Variants in ZNF676 observed in about 807,000 individuals in gnomAD.
ZNF676 encodes the protein zinc finger protein 676.
Under a neutral mutation model 6.0 loss-of-function variants are expected in ZNF676, and 4 were observed. That is an observed-to-expected ratio of 0.67 (90% CI 0.33 to 1.53). The LOEUF is 1.53. Ranked by LOEUF, ZNF676 falls within the 40% of genes most tolerant of loss-of-function variation. The pLI, the probability that ZNF676 is intolerant of heterozygous loss-of-function variation, is 0.06. For missense variants in ZNF676, 644 were observed against 679.7 expected (o/e 0.95, Z 0.58); for synonymous variants, 198 against 223.1 (o/e 0.89, Z 1.00).
intron 1 of ZNF676, among the ~76,000 whole-genome samples, chr19:22,204,173 G>C (rs999590264): frequency 1.3e-5 from 2 of 152,046 alleles, no homozygotes; most frequent in Non-Finnish European, 2.9e-5. Flanking sequence ...CTAAAATTAT[G>C]CCTACCTATA....
chr19:22,213,687 G>A (rs1447362761), intron 1 of ZNF676, among the ~76,000 whole-genome samples: 1 of 152,026 alleles, frequency 6.6e-6, no homozygotes, highest in African/African-American at 2.4e-5. Flanking sequence ...GAGATGAGAG[G>A]CTACACTCCA....
Position 22,196,926 on chromosome 19 carries a change from A to T in ZNF676, c.-293T>A. On this transcript the variant is annotated 5_prime_UTR_variant, in exon 1 of 3. Transcript: ENST00000397121. ...CTCTGAGAAAAGAAAGTGGTATAAG[A>T]TCCATAACATCTGTGTATATGTAAT... The T allele has an allele frequency of 1.8e-6, 1 of 566,082 alleles. No individual in the cohort carries two copies. Among genetic ancestry groups the T allele is most frequent in the Non-Finnish European group, 3.1e-6 (1 of 324,482 alleles). The allele number at this position is 566,082 out of a possible 1,614,324, so 35.1% of individuals were successfully genotyped here. A position where few individuals can be genotyped will look rare whatever the true frequency, so the allele number is the denominator to read the frequency against.
At chr19:22,192,155 G>A (rs200310981) in intron 2 of ZNF676, among the ~76,000 whole-genome samples, 1 of 52,460 alleles carries the variant, frequency 1.9e-5, no homozygotes, top group Non-Finnish European at 3.5e-5. Context: ...TAACATACAA[G>A]TATAAGTTAT....
the ZNF676 span, among the ~76,000 whole-genome samples, chr19:22,240,118 T>A: frequency 2.0e-5 from 3 of 152,024 alleles, no homozygotes; most frequent in Non-Finnish European, 4.4e-5. Context: ...TATGTCACAA[T>A]CCCCACGGTA....
At chr19:22,243,715 TC>T in the ZNF676 span, 1 of 152,214 alleles carries the variant, frequency 6.6e-6, no homozygotes, top group Admixed American at 6.5e-5. Context: ...GATTACAGAG[TC>T]CCCACTCTCT....
At chr19:22,213,970 G>GA (rs1193318476) in intron 1 of ZNF676, among the ~76,000 whole-genome samples, 2 of 152,122 alleles carry the variant, frequency 1.3e-5, no homozygotes, top group Admixed American at 6.5e-5. Context: ...GAAACTAGAA[G>GA]AAAAAAACAT....
the ZNF676 span, among the ~76,000 whole-genome samples, chr19:22,225,028 A>C: frequency 6.6e-5 from 10 of 152,238 alleles, 1 homozygote; most frequent in South Asian, 2.1e-3. Context: ...GGCATGTTAA[A>C]GTATATTCAC....
chr19:22,229,471 G>A, the ZNF676 span, among the ~76,000 whole-genome samples: 1 of 152,162 alleles, frequency 6.6e-6, no homozygotes, highest in Non-Finnish European at 1.5e-5. Context: ...AACAGCAAAA[G>A]CAATGGCAAC....
At chr19:22,205,649 C>G (rs1031174881) in intron 1 of ZNF676, among the ~76,000 whole-genome samples, 4 of 152,078 alleles carry the variant, frequency 2.6e-5, no homozygotes, top group African/African-American at 9.7e-5. Context: ...CTCTGCAATA[C>G]AGCTAAGGCA....
rs746168761 is a variant in ZNF676, at chr19:22,179,981, T to C, written c.1736A>G (p.His579Arg). 9 of 1,613,696 alleles carry C rather than the reference T, an allele frequency of 5.6e-6. No individual in the cohort carries two copies. Among genetic ancestry groups the C allele is most frequent in the East Asian group, 4.5e-5 (2 of 44,868 alleles). ...ATTCTCTCCAGTATGAATTTTCTTA[T>C]GATAACTAACAGTTGAGGATGACTT... Reference protein sequence around the residue: ...AFKSSSTVSYHKKIHTGENP With the variant: ...AFKSSSTVSYRKKIHTGENP The change falls in exon 3 of 3, where the codon CAT (histidine) becomes CGT (arginine). Residue 579 changes from histidine to arginine, a missense_variant. By Grantham distance (29) the His-to-Arg change is conservative. Around this residue, in one of 5 missense-constraint regions of ZNF676, gnomAD observed 306 missense variants for 265.4 expected, o/e 1.15. Transcript: ENST00000397121.
intron 2 of ZNF676, among the ~76,000 whole-genome samples, chr19:22,191,911 C>A (rs1338328939): frequency 6.6e-6 from 1 of 152,180 alleles, no homozygotes; most frequent in Non-Finnish European, 1.5e-5. Context: ...CAAATTCAGA[C>A]ACCAATGCAA....
At chr19:22,253,685 T>A in the ZNF676 span, among the ~76,000 whole-genome samples, 1 of 151,928 alleles carries the variant, frequency 6.6e-6, no homozygotes, top group Non-Finnish European at 1.5e-5. Flanking sequence ...CCATGTCAAC[T>A]GTAGCTGGAT....
intron 1 of ZNF676, among the ~76,000 whole-genome samples, chr19:22,207,995 A>AC (rs925965277): frequency 2.6e-5 from 4 of 151,460 alleles, no homozygotes; most frequent in African/African-American, 7.3e-5. Flanking sequence ...AAAAAAAAAA[A>AC]AACAAAAAAC....
the ZNF676 span, among the ~76,000 whole-genome samples, chr19:22,235,095 AGAAGGAAGTCAGGAAGGC>A: frequency 7.4e-6 from 1 of 135,982 alleles, no homozygotes; most frequent in African/African-American, 3.1e-5. Context: ...GAAGGCAGGA[AGAAGGAAGTCAGGAAGGC>A]AGGAAGGCAG....
intron 1 of ZNF676, among the ~76,000 whole-genome samples, chr19:22,193,426 G>A (rs555012008): frequency 6.6e-5 from 10 of 152,182 alleles, no homozygotes; most frequent in Admixed American, 2.6e-4. Flanking sequence ...AAATGGGTTC[G>A]TCAAAAAGGT....
At chr19:22,218,015 T>C (rs1346572384), upstream of ZNF676, among the ~76,000 whole-genome samples, 1 of 152,160 alleles carries the variant, frequency 6.6e-6, no homozygotes, top group African/African-American at 2.4e-5. Context: ...ATGATGGTCA[T>C]TCTTGCAAGA....
chr19:22,248,450 C>T, the ZNF676 span, among the ~76,000 whole-genome samples: 2 of 152,116 alleles, frequency 1.3e-5, no homozygotes, highest in East Asian at 1.9e-4. Flanking sequence ...CAAACCTGCA[C>T]GTTGTGCACA....
upstream of ZNF676, among the ~76,000 whole-genome samples, chr19:22,219,630 G>T (rs1280288688): frequency 3.3e-5 from 5 of 151,516 alleles, no homozygotes; most frequent in Non-Finnish European, 7.4e-5. Flanking sequence ...TTCCTGTTCA[G>T]TGTAATGTTG....
At chr19:22,259,605 C>T in the ZNF676 span, 1 of 152,100 alleles carries the variant, frequency 6.6e-6, no homozygotes, top group Non-Finnish European at 1.5e-5. Flanking sequence ...GTGCTGTGCC[C>T]ACAGAAATAT....
Sources: allele counts gnomAD v4.1 joint callset (sites outside exome capture counted in the v4.1 genomes callset), GRCh38; gene constraint gnomAD v4.1.1; regional missense constraint gnomAD v4.1.1; transcripts MANE v1.5; gene names NCBI Gene and HGNC (gene_info 2026-07-23, HGNC 2026-07-21).